NWD1: variants seen among roughly 807,000 people sequenced by gnomAD.
The protein encoded by NWD1 is NACHT and WD repeat domain containing 1, also known as NACHT domain- and WD repeat-containing protein 1.
Under a neutral mutation model 135.1 loss-of-function variants are expected in NWD1, and 129 were observed. That is an observed-to-expected ratio of 0.96 (90% CI 0.83 to 1.11). NWD1 has a LOEUF of 1.11. Ranked by LOEUF, NWD1 falls within the 50% of genes least tolerant of loss-of-function variation. NWD1 has a pLI of 0.00. For missense variants in NWD1, 1,740 were observed against 1,851.3 expected (o/e 0.94, Z 1.10); for synonymous variants, 773 against 786.0 (o/e 0.98, Z 0.28).
chr19:16,764,101 C>G (rs1407866321), intron 9 of NWD1, among the ~76,000 whole-genome samples, 156 bp downstream of exon 9: 1 of 152,142 alleles, frequency 6.6e-6, no homozygotes, highest in Non-Finnish European at 1.5e-5. Flanking sequence ...CCAGGGGATG[C>G]CTTACAGTGT....
At position 16,750,292 on chromosome 19, in the gene NWD1, C is replaced by G. The variant is rs572465277; in HGVS notation, c.1650C>G (p.Thr550=). 9 of 1,613,678 alleles carry G rather than the reference C, an allele frequency of 5.6e-6. 1 individual carries two copies. Among genetic ancestry groups the G allele is most frequent in the South Asian group, 4.4e-5 (4 of 91,074 alleles). ...AAGCCCGGAAATGGGCCTCTTTCAC[C>G]GTGCCTGTCCCGCTGGCCACCACCG... ...FEEARKWASF[T]VPVPLATTAE... is the part of the protein sequence containing the mutation. Residue 550 remains threonine (T), a synonymous_variant, in exon 6 of 19, where the codon ACC becomes ACG. Transcript: ENST00000524140.
intron 17 of NWD1, among the ~76,000 whole-genome samples, chr19:16,806,347 A>G (rs1360762681): frequency 6.6e-6 from 1 of 152,154 alleles, no homozygotes; most frequent in Non-Finnish European, 1.5e-5. Context: ...TGGAAATGGC[A>G]GGGGGATGTG....
chr19:16,794,687 T>G lies in NWD1; in HGVS notation c.3304+134T>G, dbSNP rs559083235. The G allele has an allele frequency of 7.2e-5, 49 of 678,036 alleles. No individual in the cohort carries two copies. The African/African-American group carries it at 8.0e-4, about 11-fold the overall frequency. The allele number at this position is 678,036 out of a possible 1,614,324, so 42.0% of individuals were successfully genotyped here. On this transcript the variant is annotated intron_variant, in intron 15 of 18. Transcript: ENST00000524140. ...CGTTTTCTGCCAAATGGCCTCATAGTAAACATTTTTTGCAGTCCAGACGAG... is the reference window on the plus strand; with the variant it reads ...CGTTTTCTGCCAAATGGCCTCATAGGAAACATTTTTTGCAGTCCAGACGAG...
At chr19:16,733,139 T>C (rs995767319) in intron 3 of NWD1, among the ~76,000 whole-genome samples, 3 of 152,020 alleles carry the variant, frequency 2.0e-5, no homozygotes, top group African/African-American at 7.3e-5. Flanking sequence ...GAGGATCACT[T>C]GAACCCAGGA....
chr19:16,776,230 TTGAGAAAGTTC>T (rs1447427400), intron 11 of NWD1, among the ~76,000 whole-genome samples: 1 of 152,048 alleles, frequency 6.6e-6, no homozygotes, highest in African/African-American at 2.4e-5. Context: ...TCTGTTAAAG[TTGAGAAAGTTC>T]TTACCTGTGT....
At chr19:16,782,156 AG>A (rs1969878614) in intron 12 of NWD1, among the ~76,000 whole-genome samples, 1 of 151,402 alleles carries the variant, frequency 6.6e-6, no homozygotes, top group African/African-American at 2.4e-5. Context: ...TTAAGAAAAC[AG>A]GTTGGGCATT....
In NWD1 at chr19:16,750,100, G is replaced by A. The variant is rs549342239; in HGVS notation, c.1458G>A (p.Pro486=). 5.0e-6 allele frequency: 8 copies of A among 1,614,038 alleles called. No homozygotes were observed. Among genetic ancestry groups the A allele is most frequent in the Middle Eastern group, 1.6e-4 (1 of 6,062 alleles). The change falls in exon 6 of 19, where the codon CCG becomes CCA. Residue 486 remains proline (P), a synonymous_variant. Coordinates refer to ENST00000524140, the MANE Select transcript of NWD1 (RefSeq NM_001007525.5). ...CCTTGCAGCGGGTGCTCCTGGACCC[G>A]GAGGCCTACTGGGAGGTGAAGCCCC... The part of the protein sequence containing the change: ...LDTLQRVLLD[P]EAYWEVKPLS...
chr19:16,762,491 T>C (rs1285646971), intron 8 of NWD1, among the ~76,000 whole-genome samples: 1 of 151,824 alleles, frequency 6.6e-6, no homozygotes, highest in Non-Finnish European at 1.5e-5. Context: ...GAGACGGGGT[T>C]TCACCACGTT....
chr19:16,765,132 G>T lies in NWD1; in HGVS notation c.2350G>T (p.Val784Phe), dbSNP rs1969175100. The change falls in exon 10 of 19, where the codon GTT becomes TTT. Residue 784 changes from valine (V) to phenylalanine (F), a missense_variant. Physicochemically the swap from Val to Phe is conservative, Grantham distance 50. Transcript: ENST00000524140. ...LCAPHLDSPE[V>F]GLVREALQLC... ...TGCCCCTCACCTGGACTCCCCTGAGGTTGGCCTGGTCCGTGAAGCCCTCCA... is the reference window on the plus strand; with the variant it reads ...TGCCCCTCACCTGGACTCCCCTGAGTTTGGCCTGGTCCGTGAAGCCCTCCA... The T allele has an allele frequency of 1.9e-6, 3 of 1,614,124 alleles. No individual in the cohort carries two copies. The highest frequency in any genetic ancestry group is 2.5e-6 in the Non-Finnish European group (3 of 1,180,026).
chr19:16,791,906 G>T (rs1970260446), intron 14 of NWD1, among the ~76,000 whole-genome samples: 1 of 152,044 alleles, frequency 6.6e-6, no homozygotes, highest in South Asian at 2.1e-4. Context: ...TAGAGACAGG[G>T]TTTCTCCATG....
Position 16,763,961 on chromosome 19 carries a change from C to T in NWD1, c.2251+16C>T, listed in dbSNP as rs902461698. ...GAGGTTCTGGGTAAGGGCTGCCCCC[C>T]ATCTCAGAGGACCGAGCCTGGTGAC... On this transcript the variant is annotated intron_variant, in intron 9 of 18. Transcript: ENST00000524140. The T allele has an allele frequency of 2.7e-6, 4 of 1,497,892 alleles. No individual in the cohort carries two copies. The African/African-American group carries it at 5.5e-5, about 21-fold the overall frequency. The allele number at this position is 1,497,892 out of a possible 1,614,324, so 92.8% of individuals were successfully genotyped here.
chr19:16,766,527 G>A (rs994627995), intron 10 of NWD1, among the ~76,000 whole-genome samples: 4 of 151,406 alleles, frequency 2.6e-5, no homozygotes, highest in Admixed American at 2.6e-4. Context: ...GTCTTTAGAC[G>A]CTCTGGCCAT....
intron 6 of NWD1, among the ~76,000 whole-genome samples, chr19:16,751,399 A>C (rs79712669): frequency 1.3e-5 from 2 of 151,820 alleles, no homozygotes; most frequent in East Asian, 3.9e-4. Context: ...GCAGACAGGA[A>C]GGAAGGAGAC....
intron 12 of NWD1, among the ~76,000 whole-genome samples, chr19:16,783,822 T>G (rs1969945591): frequency 6.6e-6 from 1 of 152,100 alleles, no homozygotes; most frequent in Non-Finnish European, 1.5e-5. Flanking sequence ...GGACAGACCT[T>G]TATTGTCATT....
rs771239999 is a variant in NWD1, at chr19:16,759,289, G to A, written c.1834G>A (p.Val612Met). 2 of 1,614,146 alleles carry A rather than the reference G, an allele frequency of 1.2e-6. No individual in the cohort carries two copies. The change falls in exon 7 of 19, where the codon GTG (valine) becomes ATG (methionine). Residue 612 changes from valine (V) to methionine (M), a missense_variant. By Grantham distance (21) the Val-to-Met change is conservative. Transcript: ENST00000524140. ...CCTGGACGACGAGGTCCTGCAGGATGTGTACCGAGATTGGACCCCGCCCAG... is the reference window on the plus strand; with the variant it reads ...CCTGGACGACGAGGTCCTGCAGGATATGTACCGAGATTGGACCCCGCCCAG... ...LSLDDEVLQDVYRDWTPPSKE... is the reference protein window; with the variant it reads ...LSLDDEVLQDMYRDWTPPSKE...
chr19:16,748,005 A>G (rs1968395013), intron 5 of NWD1, among the ~76,000 whole-genome samples: 2 of 152,144 alleles, frequency 1.3e-5, no homozygotes, highest in South Asian at 4.1e-4. Flanking sequence ...TGTTTTTGAG[A>G]TGGAGTCTCG....
intron 12 of NWD1, among the ~76,000 whole-genome samples, chr19:16,784,999 C>A (rs1969990889): frequency 6.6e-6 from 1 of 151,252 alleles, no homozygotes; most frequent in Admixed American, 6.6e-5. Context: ...GTGCGACTCC[C>A]ATGGATATGA....
At chr19:16,791,097 G>T (rs1568383536) in intron 13 of NWD1, among the ~76,000 whole-genome samples, 1 of 151,984 alleles carries the variant, frequency 6.6e-6, no homozygotes, top group Non-Finnish European at 1.5e-5. Context: ...AGCCAGGCAT[G>T]GTGGTGCGTG....
intron 18 of NWD1, among the ~76,000 whole-genome samples, chr19:16,811,436 T>C (rs1970919771): frequency 6.6e-6 from 1 of 151,496 alleles, no homozygotes; most frequent in Admixed American, 6.6e-5. Context: ...ATACAAAAAT[T>C]AGCCGGGCAT....
Sources: gnomAD v4.1 joint callset for allele counts (sites outside exome capture counted in the v4.1 genomes callset) on GRCh38, gnomAD v4.1.1 for gene constraint, MANE v1.5 for transcripts, NCBI Gene and HGNC (gene_info 2026-07-23, HGNC 2026-07-21) for gene names.